The following HECW1 variants were observed in gnomAD, a reference collection of about 807,000 sequenced individuals.
HECW1 encodes the protein E3 ubiquitin-protein ligase HECW1.
Under a neutral mutation model 182.3 loss-of-function variants are expected in HECW1, and 61 were observed. The ratio of observed to expected loss-of-function variants is 0.33; its 90% CI spans 0.27 to 0.41. The LOEUF (loss-of-function observed/expected upper bound fraction) is 0.41, where lower values mean the gene tolerates loss of function less well. HECW1 is among the 10% of genes least tolerant of loss of function. The probability of loss-of-function intolerance (pLI) is 1.00; values close to 1 mark genes in which losing one functional copy is unlikely to be tolerated. For synonymous variants in HECW1, 859 were observed against 832.6 expected (o/e 1.03, Z -0.55); for missense variants, 1,739 against 2,108.9 (o/e 0.82, Z 3.44).
chr7:43,117,948 C>A (rs1785204567), intron 2 of HECW1: 1 of 152,536 alleles, frequency 6.6e-6, no homozygotes, highest in African/African-American at 2.4e-5. Context: ...CATATGGAGG[C>A]CTGAAAAATA....
In HECW1 at chr7:43,358,588, A is replaced by G. The variant is rs893531903; in HGVS notation, c.461-2298A>G. ...CAACTGCAATTAAATGGCTTCAAAAAAATTTAAATAGCTGATTAAAATTTA... is the reference window on the plus strand; with the variant it reads ...CAACTGCAATTAAATGGCTTCAAAAGAATTTAAATAGCTGATTAAAATTTA... On this transcript the variant is annotated intron_variant, in intron 5 of 29. Coordinates refer to ENST00000395891, the MANE Select transcript of HECW1 (RefSeq NM_015052.5). Among the ~76,000 whole-genome samples the G allele has an allele frequency of 7.2e-5, 11 of 152,330 alleles. No homozygotes were observed. In the South Asian group the frequency reaches 2.3e-3, roughly 32 times the overall value.
In HECW1 at chr7:43,374,799, A is replaced by AAAAAAAAAAAAAAAAAAC. The variant is rs1303274874; in HGVS notation, c.555+13820_555+13821insAAAAAAAAAAAAAAAACA. Among the ~76,000 whole-genome samples, 35 of 54,062 alleles carry AAAAAAAAAAAAAAAAAAC rather than the reference A, an allele frequency of 6.5e-4. 6 individuals are homozygous for AAAAAAAAAAAAAAAAAAC. The highest frequency in any genetic ancestry group is 1.4e-3 in the South Asian group (2 of 1,452). The allele number at this position is 54,062 out of a possible 152,430, so 35.5% of individuals were successfully genotyped here. On this transcript the variant is annotated intron_variant, in intron 6 of 29. Transcript: ENST00000395891. ...AAAAAAAAAAAAAAAAAAAAAAAAA[A>AAAAAAAAAAAAAAAAAAC]ATAGAGAAATATAATAACCAGTGAA...
intron 26 of HECW1, among the ~76,000 whole-genome samples, chr7:43,544,787 C>A (rs1359334941): frequency 6.6e-6 from 1 of 152,140 alleles, no homozygotes; most frequent in African/African-American, 2.4e-5. Context: ...TATTAAAAAG[C>A]ATGAGGACAC....
At chr7:43,395,217 G>T (rs1329082936) in intron 6 of HECW1, among the ~76,000 whole-genome samples, 2 of 152,132 alleles carry the variant, frequency 1.3e-5, no homozygotes, top group African/African-American at 4.8e-5. Flanking sequence ...AGACAATCTA[G>T]TCTCCAGGCA....
intron 2 of HECW1, among the ~76,000 whole-genome samples, chr7:43,115,047 A>G (rs1357090352): frequency 6.6e-6 from 1 of 152,218 alleles, no homozygotes; most frequent in Non-Finnish European, 1.5e-5. Flanking sequence ...CCTGAGTCTC[A>G]TTCCTCATGG....
rs910888667 is a variant in HECW1 at position 43,500,805 on chromosome 7, C to T, written c.3521+23C>T. The T allele has an allele frequency of 1.1e-5, 18 of 1,601,574 alleles. No homozygotes were observed. The Admixed American group carries it at 2.7e-4, about 24-fold the overall frequency. ...GAGGTAGGGGGCTAGGCCTGAAATC[C>T]TTCTGGAAAAGCTTCCCTGGGCAGC... On this transcript the variant is annotated intron_variant, in intron 20 of 29. Coordinates refer to ENST00000395891, the MANE Select transcript of HECW1 (RefSeq NM_015052.5).
chr7:43,437,890 A>G, intron 8 of HECW1, 113 bp from the exon 9 acceptor site: 2 of 1,015,824 alleles, frequency 2.0e-6, no homozygotes, highest in South Asian at 3.1e-5. Context: ...CTTTATATAT[A>G]GGTATATTAT....
chr7:43,555,746 A>G (rs2081995225), intron 29 of HECW1, among the ~76,000 whole-genome samples: 1 of 152,132 alleles, frequency 6.6e-6, no homozygotes, highest in South Asian at 2.1e-4. Context: ...ACAGCTGAAC[A>G]CCCTGGTGCA....
At chr7:43,526,787 G>A (rs1221987344) in intron 24 of HECW1, among the ~76,000 whole-genome samples, 1 of 152,176 alleles carries the variant, frequency 6.6e-6, no homozygotes, top group Non-Finnish European at 1.5e-5. Context: ...GATTGCTTGA[G>A]TCCAGGAGTT....
intron 26 of HECW1, 45 bp from the exon 27 acceptor site, chr7:43,550,400 T>C (rs1426785620): frequency 1.2e-6 from 2 of 1,610,462 alleles, no homozygotes; most frequent in Non-Finnish European, 1.7e-6. Context: ...CCCTGAGAGA[T>C]AAGCAGAACT....
chr7:43,321,040 T>G (rs544732624), intron 5 of HECW1, among the ~76,000 whole-genome samples: 1 of 152,302 alleles, frequency 6.6e-6, no homozygotes, highest in South Asian at 2.1e-4. Flanking sequence ...TAACTTTCAC[T>G]CCATGGCTCC....
intron 26 of HECW1, among the ~76,000 whole-genome samples, chr7:43,543,781 C>CAAAAAAAA (rs35618213): frequency 2.0e-5 from 1 of 49,642 alleles, no homozygotes; most frequent in Non-Finnish European, 4.5e-5. Context: ...CTCCATCTCA[C>CAAAAAAAA]AAAAAAAAAA....
chr7:43,209,402 G>C (rs1280912495), intron 2 of HECW1, among the ~76,000 whole-genome samples: 1 of 152,132 alleles, frequency 6.6e-6, no homozygotes, highest in Non-Finnish European at 1.5e-5. Flanking sequence ...TCTGCTTCCT[G>C]AGCCTCTCAC....
chr7:43,250,653 T>C (rs1361356026), intron 3 of HECW1, among the ~76,000 whole-genome samples: 1 of 152,206 alleles, frequency 6.6e-6, no homozygotes, highest in Non-Finnish European at 1.5e-5. Flanking sequence ...TAAAAACCCA[T>C]GCTGTCTCTC....
chr7:43,425,281 A>T (rs2076321555), intron 8 of HECW1, among the ~76,000 whole-genome samples: 1 of 139,016 alleles, frequency 7.2e-6, no homozygotes, highest in African/African-American at 2.7e-5. Context: ...ACATGTGGAT[A>T]GCTAGGTAGA....
intron 2 of HECW1, among the ~76,000 whole-genome samples, chr7:43,201,382 C>T (rs1403243508): frequency 6.6e-6 from 1 of 152,200 alleles, no homozygotes; most frequent in East Asian, 1.9e-4. Flanking sequence ...AGAATTACCT[C>T]TGTGCATGTT....
chr7:43,322,816 T>TC (rs1810307295), intron 5 of HECW1, among the ~76,000 whole-genome samples: 1 of 152,184 alleles, frequency 6.6e-6, no homozygotes, highest in African/African-American at 2.4e-5. Context: ...GAGAGGTTTT[T>TC]CTCTCTCACC....
intron 24 of HECW1, among the ~76,000 whole-genome samples, chr7:43,537,748 G>A (rs2081228339): frequency 6.6e-6 from 1 of 152,174 alleles, no homozygotes; most frequent in Non-Finnish European, 1.5e-5. Context: ...CTGTGGTTAT[G>A]TAAAGCCAAA....
chr7:43,456,285 AT>A lies in HECW1; in HGVS notation c.2501-10del, dbSNP rs768275437. On this transcript the variant is annotated splice_polypyrimidine_tract_variant and intron_variant, in intron 12 of 29. Coordinates refer to ENST00000395891, the MANE Select transcript of HECW1 (RefSeq NM_015052.5). ...CCTTGATTTTTCTTTTTGCCTTTTT[AT>A]TAAACACTAGACTGGGAAGCTCGAA... The A allele has an allele frequency of 6.4e-5, 100 of 1,557,592 alleles. 4 individuals carry two copies. The highest frequency in any genetic ancestry group is 5.9e-4 in the South Asian group (50 of 85,098).
Sources: allele counts gnomAD v4.1 joint callset (sites outside exome capture counted in the v4.1 genomes callset), GRCh38; gene constraint gnomAD v4.1.1; transcripts MANE v1.5; gene names NCBI Gene and HGNC (gene_info 2026-07-23, HGNC 2026-07-21).